Variants in TENM2 observed in about 807,000 individuals in gnomAD.
TENM2 encodes the protein teneurin transmembrane protein 2, also known as teneurin-2.
In TENM2, 52 loss-of-function variants were observed where a neutral mutation model predicts 245.2. That is an observed-to-expected ratio of 0.21 (90% CI 0.17 to 0.27). TENM2 has a LOEUF of 0.27. TENM2 is among the 10% of genes least tolerant of loss of function. TENM2 has a pLI of 1.00. For synonymous variants in TENM2, 1,363 were observed against 1,438.9 expected (o/e 0.95, Z 1.19); for missense variants, 3,046 against 3,666.8 (o/e 0.83, Z 4.37).
the TENM2 span, among the ~76,000 whole-genome samples, chr5:167,030,509 A>G: frequency 6.6e-6 from 1 of 151,988 alleles, no homozygotes; most frequent in Non-Finnish European, 1.5e-5. Flanking sequence ...ACTTTTCATT[A>G]CTTACCTAGT....
At chr5:167,414,575 G>C (rs936722275) in intron 2 of TENM2, among the ~76,000 whole-genome samples, 2 of 152,052 alleles carry the variant, frequency 1.3e-5, no homozygotes, top group African/African-American at 4.8e-5. Context: ...GTTCGCTAGA[G>C]AGAGAGCACC....
intron 2 of TENM2, among the ~76,000 whole-genome samples, chr5:167,704,959 T>C (rs1028216090): frequency 6.6e-6 from 1 of 152,190 alleles, no homozygotes; most frequent in Non-Finnish European, 1.5e-5. Context: ...CTTTATTTCT[T>C]GTCAGTCCTT....
intron 2 of TENM2, among the ~76,000 whole-genome samples, chr5:167,378,348 G>A (rs1760888147): frequency 6.6e-6 from 1 of 150,550 alleles, no homozygotes; most frequent in Admixed American, 6.6e-5. Context: ...CCATCAAACA[G>A]ATGAACCTGT....
chr5:167,594,442 G>A (rs1478635073), intron 2 of TENM2, among the ~76,000 whole-genome samples: 1 of 152,120 alleles, frequency 6.6e-6, no homozygotes, highest in Non-Finnish European at 1.5e-5. Context: ...TAGAAATGTG[G>A]GTTGTCATGA....
At chr5:167,708,338 T>A (rs994389159) in intron 2 of TENM2, among the ~76,000 whole-genome samples, 1 of 152,164 alleles carries the variant, frequency 6.6e-6, no homozygotes, top group African/African-American at 2.4e-5. Context: ...GCACTTTTAA[T>A]ATTGAGAGTG....
chr5:167,994,362 C>T (rs1225423268), intron 5 of TENM2, among the ~76,000 whole-genome samples: 1 of 152,196 alleles, frequency 6.6e-6, no homozygotes, highest in African/African-American at 2.4e-5. Context: ...CCTCCCTTCT[C>T]GCTCAGCACT....
chr5:167,466,120 T>C (rs907539867), intron 2 of TENM2, among the ~76,000 whole-genome samples: 2 of 152,224 alleles, frequency 1.3e-5, no homozygotes, highest in Non-Finnish European at 2.9e-5. Context: ...ACAATCTTCT[T>C]GAAGAGGAGA....
chr5:168,126,240 A>T (rs543464204), intron 11 of TENM2, among the ~76,000 whole-genome samples: 2 of 152,026 alleles, frequency 1.3e-5, no homozygotes, highest in African/African-American at 4.8e-5. Flanking sequence ...TCCCCAACTG[A>T]CCTCTTGTGC....
chr5:167,425,584 A>G (rs531696630), intron 2 of TENM2, among the ~76,000 whole-genome samples: 338 of 152,278 alleles, frequency 2.2e-3, no homozygotes, highest in African/African-American at 8.0e-3. Context: ...CTTTTCAGTT[A>G]TCTTCCTGAG....
At chr5:167,208,539 G>A in the TENM2 span, among the ~76,000 whole-genome samples, 1 of 152,168 alleles carries the variant, frequency 6.6e-6, no homozygotes, top group African/African-American at 2.4e-5. Flanking sequence ...TTTTCTTAAA[G>A]CATAGAGAAT....
chr5:167,642,781 A>C (rs189028408), intron 2 of TENM2, among the ~76,000 whole-genome samples: 1 of 152,320 alleles, frequency 6.6e-6, no homozygotes, highest in East Asian at 1.9e-4. Context: ...TTAAGGACTA[A>C]TCTTGATATC....
At chr5:167,674,378 C>T (rs2150358871) in intron 2 of TENM2, among the ~76,000 whole-genome samples, 1 of 152,054 alleles carries the variant, frequency 6.6e-6, no homozygotes, top group Middle Eastern at 3.4e-3. Context: ...GATTTGGTGC[C>T]CCCAAAATGT....
At chr5:167,711,318 G>A (rs1758891822) in intron 2 of TENM2, among the ~76,000 whole-genome samples, 2 of 152,174 alleles carry the variant, frequency 1.3e-5, no homozygotes, top group South Asian at 2.1e-4. Flanking sequence ...CTCATATATC[G>A]AGTATGGGTG....
chr5:168,205,471 A>C (rs990067241), intron 19 of TENM2, among the ~76,000 whole-genome samples: 15 of 152,176 alleles, frequency 9.9e-5, no homozygotes, highest in African/African-American at 3.4e-4. Flanking sequence ...AGAGTAAGAA[A>C]CAGGAACTGG....
chr5:168,178,212 G>C (rs772580059), intron 13 of TENM2, among the ~76,000 whole-genome samples: 2 of 152,222 alleles, frequency 1.3e-5, no homozygotes, highest in Non-Finnish European at 2.9e-5. Flanking sequence ...GGCCCCAGCA[G>C]GTCACTGTCT....
chr5:167,977,875 C>T (rs182551685), intron 4 of TENM2, among the ~76,000 whole-genome samples: 76 of 152,284 alleles, frequency 5.0e-4, no homozygotes, highest in Admixed American at 1.2e-3. Context: ...GGAATGTGAT[C>T]CCCAATGTTG....
At chr5:168,098,274 C>G in intron 9 of TENM2, 147 bp downstream of exon 11, 1 of 641,184 alleles carries the variant, frequency 1.6e-6, no homozygotes, top group South Asian at 1.9e-5. Context: ...AGGCATAAGC[C>G]TTCGTAAAGA....
chr5:168,249,681 T>G (rs1766925210), intron 27 of TENM2, among the ~76,000 whole-genome samples: 1 of 152,086 alleles, frequency 6.6e-6, no homozygotes, highest in Non-Finnish European at 1.5e-5. Context: ...TCTACTTCTC[T>G]GTGATAAGTG....
chr5:167,636,082 TA>T (rs1306170975), intron 2 of TENM2, among the ~76,000 whole-genome samples: 1 of 152,194 alleles, frequency 6.6e-6, no homozygotes, highest in East Asian at 1.9e-4. Flanking sequence ...CTAGCCTACT[TA>T]AAAATAAAAG....
Sources: allele counts gnomAD v4.1 joint callset (sites outside exome capture counted in the v4.1 genomes callset), GRCh38; gene constraint gnomAD v4.1.1; transcripts MANE v1.5; gene names NCBI Gene and HGNC (gene_info 2026-07-23, HGNC 2026-07-21).